The following SYNPR variants were observed in gnomAD, a reference collection of about 807,000 sequenced individuals.
The protein encoded by SYNPR is synaptoporin.
In SYNPR, 23 loss-of-function variants were observed where a neutral mutation model predicts 32.9. The ratio of observed to expected loss-of-function variants is 0.70; its 90% CI spans 0.50 to 0.99. The LOEUF (loss-of-function observed/expected upper bound fraction) is 0.99. Ranked by LOEUF, SYNPR falls within the 50% of genes least tolerant of loss-of-function variation. SYNPR has a pLI of 0.00. For synonymous variants in SYNPR, 146 were observed against 135.9 expected (o/e 1.07, Z -0.52); for missense variants, 318 against 349.3 (o/e 0.91, Z 0.71).
intron 2 of SYNPR, among the ~76,000 whole-genome samples, chr3:63,382,105 A>G (rs921260619): frequency 1.3e-5 from 2 of 152,222 alleles, no homozygotes; most frequent in Non-Finnish European, 2.9e-5. Context: ...TAATTTAGAA[A>G]ACTCAAGAAG....
intron 2 of SYNPR, among the ~76,000 whole-genome samples, chr3:63,297,669 G>A (rs1260310215): frequency 3.3e-5 from 5 of 152,034 alleles, no homozygotes; most frequent in South Asian, 2.1e-4. Context: ...ATACTTTAAC[G>A]GTTATCTTTA....
chr3:63,498,214 T>G (rs1464516927), intron 3 of SYNPR, among the ~76,000 whole-genome samples: 1 of 152,094 alleles, frequency 6.6e-6, no homozygotes, highest in African/African-American at 2.4e-5. Context: ...CTTAGCTAAT[T>G]GGATGGGAGG....
intron 3 of SYNPR, among the ~76,000 whole-genome samples, chr3:63,531,182 T>G (rs1246057416): frequency 6.6e-6 from 1 of 152,156 alleles, no homozygotes; most frequent in Non-Finnish European, 1.5e-5. Flanking sequence ...CAGGGTAGTT[T>G]TATGCAAATG....
At chr3:63,469,446 T>C (rs1700755566) in intron 2 of SYNPR, among the ~76,000 whole-genome samples, 1 of 152,204 alleles carries the variant, frequency 6.6e-6, no homozygotes, top group South Asian at 2.1e-4. Flanking sequence ...GATATGGTTA[T>C]GGTAGGTTAG....
chr3:63,524,622 T>G (rs890170828), intron 3 of SYNPR, among the ~76,000 whole-genome samples: 1 of 152,134 alleles, frequency 6.6e-6, no homozygotes, highest in Non-Finnish European at 1.5e-5. Flanking sequence ...ACCTTCTGAA[T>G]AGCAGTCTGG....
chr3:63,299,160 G>T (rs953923306), intron 2 of SYNPR, among the ~76,000 whole-genome samples: 7 of 152,214 alleles, frequency 4.6e-5, no homozygotes, highest in African/African-American at 1.7e-4. Context: ...AATAGCTTAG[G>T]AAAAGAAAGG....
At chr3:63,539,540 A>G (rs1702264100) in intron 3 of SYNPR, among the ~76,000 whole-genome samples, 1 of 152,186 alleles carries the variant, frequency 6.6e-6, no homozygotes, top group Non-Finnish European at 1.5e-5. Context: ...CAAGCAATAC[A>G]GAGCCACAAA....
chr3:63,567,308 G>GA (rs1273318560), intron 4 of SYNPR, among the ~76,000 whole-genome samples: 5 of 152,030 alleles, frequency 3.3e-5, no homozygotes, highest in African/African-American at 4.8e-5. Context: ...TGGCAAGTCT[G>GA]AAAAAAAGTG....
At chr3:63,244,568 GA>G (rs1317599973) in intron 1 of SYNPR, among the ~76,000 whole-genome samples, 6 of 152,004 alleles carry the variant, frequency 3.9e-5, no homozygotes, top group African/African-American at 1.4e-4. Flanking sequence ...TTCTCCACTT[GA>G]GCTTGGTAGT....
intron 2 of SYNPR, among the ~76,000 whole-genome samples, chr3:63,309,132 T>G (rs916297958): frequency 6.6e-6 from 1 of 152,032 alleles, no homozygotes; most frequent in African/African-American, 2.4e-5. Context: ...CTGTTATTAA[T>G]TCTACCAAAT....
the SYNPR span, among the ~76,000 whole-genome samples, chr3:63,218,649 T>C: frequency 6.6e-6 from 1 of 152,218 alleles, no homozygotes; most frequent in African/African-American, 2.4e-5. Context: ...CCTGACTTCG[T>C]GATCCGTCCC....
chr3:63,206,949 A>G, the SYNPR span, among the ~76,000 whole-genome samples: 2 of 152,216 alleles, frequency 1.3e-5, no homozygotes, highest in Non-Finnish European at 2.9e-5. Flanking sequence ...AATTGCCTAA[A>G]GTAGAGAAAA....
At chr3:63,367,592 G>T (rs1020038685) in intron 2 of SYNPR, among the ~76,000 whole-genome samples, 2 of 151,996 alleles carry the variant, frequency 1.3e-5, no homozygotes, top group Admixed American at 6.6e-5. Context: ...CTGAGCTCAG[G>T]TGATCTGCCT....
chr3:63,453,095 T>C (rs1050098989), intron 2 of SYNPR, among the ~76,000 whole-genome samples: 2 of 152,108 alleles, frequency 1.3e-5, no homozygotes, highest in African/African-American at 4.8e-5. Flanking sequence ...CTATTGAGTA[T>C]TGGAATCTAC....
At chr3:63,272,170 CTGCTG>C (rs2086542852) in intron 3 of SYNPR, among the ~76,000 whole-genome samples, 1 of 152,206 alleles carries the variant, frequency 6.6e-6, no homozygotes, top group Non-Finnish European at 1.5e-5. Flanking sequence ...ATTAACTCAT[CTGCTG>C]CCAGATATTT....
intron 4 of SYNPR, among the ~76,000 whole-genome samples, chr3:63,592,778 T>C (rs771733498): frequency 6.6e-6 from 1 of 152,102 alleles, no homozygotes; most frequent in Non-Finnish European, 1.5e-5. Context: ...CCTATATACT[T>C]TTCTATATTG....
chr3:63,261,439 C>A (rs1424021233), intron 2 of SYNPR, among the ~76,000 whole-genome samples: 4 of 151,200 alleles, frequency 2.6e-5, no homozygotes, highest in African/African-American at 7.3e-5. Context: ...AATTGGAAAT[C>A]ATCATTCTCA....
intron 3 of SYNPR, among the ~76,000 whole-genome samples, chr3:63,481,471 G>GTGTA (rs1392451134): frequency 5.9e-5 from 9 of 151,438 alleles, no homozygotes; most frequent in Non-Finnish European, 1.2e-4. Flanking sequence ...GTGTGTGTGT[G>GTGTA]TATACATATA....
chr3:63,306,977 A>C (rs991530978), intron 2 of SYNPR, among the ~76,000 whole-genome samples: 1 of 152,090 alleles, frequency 6.6e-6, no homozygotes, highest in Non-Finnish European at 1.5e-5. Context: ...CAATAAGAAT[A>C]ATAATTGTCA....
Sources: gnomAD v4.1 joint callset for allele counts (sites outside exome capture counted in the v4.1 genomes callset) on GRCh38, gnomAD v4.1.1 for gene constraint, MANE v1.5 for transcripts, NCBI Gene and HGNC (gene_info 2026-07-23, HGNC 2026-07-21) for gene names.